Variants in ACACA observed in about 807,000 individuals in gnomAD.
The protein encoded by ACACA is acetyl-CoA carboxylase 1.
ACACA carries 103 observed loss-of-function variants against 296.1 expected under a neutral mutation model. The observed-to-expected ratio is 0.35, with a 90% confidence interval of 0.30 to 0.41. The LOEUF (loss-of-function observed/expected upper bound fraction) is 0.41, where lower values mean the gene tolerates loss of function less well. ACACA is among the 10% of genes least tolerant of loss of function. The pLI, the probability that ACACA is intolerant of heterozygous loss-of-function variation, is 1.00. For synonymous variants in ACACA, 953 were observed against 1,038.6 expected (o/e 0.92, Z 1.58); for missense variants, 1,554 against 2,989.7 (o/e 0.52, Z 11.20).
chr17:37,213,363 A>G (rs2078844152), intron 29 of ACACA, among the ~76,000 whole-genome samples: 1 of 150,282 alleles, frequency 6.7e-6, no homozygotes, highest in Non-Finnish European at 1.5e-5. Flanking sequence ...AAAAAAAAAA[A>G]AAAAAAGTAA....
intron 52 of ACACA, among the ~76,000 whole-genome samples, chr17:37,110,861 G>T (rs547465293): frequency 6.6e-6 from 1 of 152,286 alleles, no homozygotes; most frequent in South Asian, 2.1e-4. Context: ...GACCTGGGCA[G>T]AAAATCAGTG....
chr17:37,347,914 G>A (rs938657813), intron 1 of ACACA, among the ~76,000 whole-genome samples: 8 of 152,154 alleles, frequency 5.3e-5, no homozygotes, highest in South Asian at 2.1e-4. Flanking sequence ...GCTCATGCCT[G>A]TAATCCTAGC....
rs1213655903 is a variant in ACACA at position 37,204,497 on chromosome 17, T to C, written c.4056+1268A>G. ...TGACTTATCTAACCCCATGGAATCG[T>C]GGTAAGATGCAAATAAAAAATTTAG... On this transcript the variant is annotated intron_variant, in intron 33 of 55. Coordinates refer to ENST00000616317, the MANE Select transcript of ACACA (RefSeq NM_198834.3). 2.0e-5 allele frequency among the ~76,000 whole-genome samples: 3 copies of C among 152,130 alleles called. No homozygotes were observed. The East Asian group carries it at 5.8e-4, about 29-fold the overall frequency.
intron 1 of ACACA, among the ~76,000 whole-genome samples, chr17:37,382,148 A>G (rs1324201166): frequency 6.6e-6 from 1 of 152,052 alleles, no homozygotes; most frequent in Non-Finnish European, 1.5e-5. Flanking sequence ...CAATTTATCA[A>G]TAAGATTCCA....
intron 9 of ACACA, among the ~76,000 whole-genome samples, chr17:37,271,132 T>C (rs1297489391): frequency 1.3e-5 from 2 of 152,180 alleles, no homozygotes; most frequent in East Asian, 1.9e-4. Context: ...TAATGTCACA[T>C]GGGTCAAAAA....
At chr17:37,286,327 A>T (rs2082770122) in intron 3 of ACACA, among the ~76,000 whole-genome samples, 1 of 152,220 alleles carries the variant, frequency 6.6e-6, no homozygotes, top group East Asian at 1.9e-4. Context: ...CACTTAAATG[A>T]TCTTTTGCAA....
chr17:37,278,078 C>T (rs747738627), intron 5 of ACACA, 73 bp from the exon 6 acceptor site: 43 of 1,123,452 alleles, frequency 3.8e-5, no homozygotes, highest in Non-Finnish European at 5.4e-5. Flanking sequence ...AGCAAAACTA[C>T]GTAAAGGTCA....
intron 3 of ACACA, among the ~76,000 whole-genome samples, chr17:37,300,243 A>G (rs930268575): frequency 6.6e-6 from 1 of 152,226 alleles, no homozygotes; most frequent in African/African-American, 2.4e-5. Context: ...ACTTACTGAG[A>G]CACATATATT....
chr17:37,135,477 G>T (rs531720775), intron 45 of ACACA, among the ~76,000 whole-genome samples: 1 of 152,262 alleles, frequency 6.6e-6, no homozygotes, highest in Non-Finnish European at 1.5e-5. Flanking sequence ...AAGACCATTT[G>T]CTATAAGACC....
At chr17:37,231,159 G>A (rs554346809) in intron 25 of ACACA, among the ~76,000 whole-genome samples, 3 of 151,492 alleles carry the variant, frequency 2.0e-5, no homozygotes, top group East Asian at 1.9e-4. Flanking sequence ...GGCCGAGACC[G>A]TTTGAGCACA....
chr17:37,335,685 T>C (rs1397367948), intron 2 of ACACA, among the ~76,000 whole-genome samples: 1 of 152,144 alleles, frequency 6.6e-6, no homozygotes, highest in Non-Finnish European at 1.5e-5. Flanking sequence ...GCATTGGCGG[T>C]ATCACAACCT....
intron 41 of ACACA, among the ~76,000 whole-genome samples, chr17:37,179,039 G>A (rs997550104): frequency 6.6e-6 from 1 of 151,964 alleles, no homozygotes; most frequent in African/African-American, 2.4e-5. Flanking sequence ...TTTTAAAACT[G>A]AGTCCTTTGT....
At chr17:37,366,696 T>C (rs892047332) in intron 1 of ACACA, among the ~76,000 whole-genome samples, 3 of 152,052 alleles carry the variant, frequency 2.0e-5, no homozygotes, top group Admixed American at 6.5e-5. Context: ...CTGGAATTCC[T>C]AACCTTGTGA....
intron 45 of ACACA, chr17:37,141,315 G>A (rs1476786722): frequency 6.0e-6 from 3 of 503,524 alleles, no homozygotes; most frequent in East Asian, 5.3e-5. Context: ...CCTCAGCCTT[G>A]CCTCCATGAG....
intron 40 of ACACA, 34 bp from the exon 41 acceptor site, chr17:37,179,440 CAAT>C (rs761473730): frequency 6.2e-7 from 1 of 1,606,110 alleles, no homozygotes; most frequent in East Asian, 2.2e-5. Flanking sequence ...TAATCAGTCA[CAAT>C]AATTTCAATA....
At chr17:37,194,374 T>C (rs1466485831) in intron 35 of ACACA, among the ~76,000 whole-genome samples, 1 of 152,082 alleles carries the variant, frequency 6.6e-6, no homozygotes, top group Non-Finnish European at 1.5e-5. Context: ...GGTACTCTCA[T>C]GTGTTGTCCT....
chr17:37,196,551 TAAG>T (rs1419373373), intron 35 of ACACA, among the ~76,000 whole-genome samples: 2 of 151,356 alleles, frequency 1.3e-5, no homozygotes, highest in Non-Finnish European at 2.9e-5. Context: ...TAATGGGGGA[TAAG>T]AAGAAGTCCT....
At position 37,246,919 on chromosome 17, in the gene ACACA, C is replaced by T. The variant is rs367784761; in HGVS notation, c.2367G>A (p.Ser789=). ...TCVFEKENDP[S]VMRSPSAGKL... ...TCCCAGCAGAAGGTGAGCGCATCACCGATGGGTCATTTTCCTTCTCAAACA... is the reference window on the plus strand; with the variant it reads ...TCCCAGCAGAAGGTGAGCGCATCACTGATGGGTCATTTTCCTTCTCAAACA... The change falls in exon 19 of 56, where the codon TCG becomes TCA. Residue 789 remains serine, a synonymous_variant. Transcript: ENST00000616317. The T allele has an allele frequency of 5.8e-5, 93 of 1,613,942 alleles. No homozygotes were observed. In the South Asian group the frequency reaches 9.0e-4, roughly 16 times the overall value.
intron 19 of ACACA, 34 bp from the exon 20 acceptor site, chr17:37,245,248 C>T: frequency 6.2e-7 from 1 of 1,609,834 alleles, no homozygotes; most frequent in Non-Finnish European, 8.5e-7. Context: ...TCAGATTTAT[C>T]TCTCTTTACA....
Sources: gnomAD v4.1 joint callset for allele counts (sites outside exome capture counted in the v4.1 genomes callset) on GRCh38, gnomAD v4.1.1 for gene constraint, MANE v1.5 for transcripts, NCBI Gene and HGNC (gene_info 2026-07-23, HGNC 2026-07-21) for gene names.